Variants in SPOCK1 observed in about 807,000 individuals in gnomAD.
SPOCK1 encodes the protein testican-1.
Under a neutral mutation model 55.3 loss-of-function variants are expected in SPOCK1, and 23 were observed. The ratio of observed to expected loss-of-function variants is 0.42; its 90% CI spans 0.30 to 0.59. The LOEUF is 0.59. Among genes scored for constraint, SPOCK1 ranks in the 20% least tolerant of loss-of-function variants. The probability of loss-of-function intolerance (pLI) is 0.22; values close to 1 mark genes in which losing one functional copy is unlikely to be tolerated. For missense variants in SPOCK1, 499 were observed against 552.5 expected (o/e 0.90, Z 0.97); for synonymous variants, 226 against 221.0 (o/e 1.02, Z -0.20).
chr5:137,228,441 G>A (rs1755990454), intron 3 of SPOCK1, among the ~76,000 whole-genome samples: 1 of 152,180 alleles, frequency 6.6e-6, no homozygotes, highest in Non-Finnish European at 1.5e-5. Flanking sequence ...AGGAATTCGA[G>A]ACCAGCCTGG....
At chr5:137,181,293 G>A (rs1358711407) in intron 3 of SPOCK1, among the ~76,000 whole-genome samples, 3 of 152,170 alleles carry the variant, frequency 2.0e-5, no homozygotes, top group South Asian at 2.1e-4. Context: ...ATGAAGCACT[G>A]GGCTATTAAG....
chr5:136,975,990 T>C lies in SPOCK1; in HGVS notation c.*2664A>G, dbSNP rs1033022705. ...CTGTATCAAATGAGGAAGTGGTTTATTACAATATTTTTATAATCAGTATTT... is the reference window on the plus strand; with the variant it reads ...CTGTATCAAATGAGGAAGTGGTTTACTACAATATTTTTATAATCAGTATTT... On this transcript the variant is annotated 3_prime_UTR_variant, in exon 11 of 11. Transcript: ENST00000394945. 3.9e-5 allele frequency: 6 copies of C among 152,246 alleles called. No homozygotes were observed. The highest frequency in any genetic ancestry group is 1.2e-4 in the African/African-American group (5 of 41,476). The allele number at this position is 152,246 out of a possible 1,614,324, so 9.4% of individuals were successfully genotyped here. A position where few individuals can be genotyped will look rare whatever the true frequency, so the allele number is the denominator to read the frequency against.
chr5:137,276,178 G>T (rs992500263), intron 2 of SPOCK1, among the ~76,000 whole-genome samples: 3 of 152,186 alleles, frequency 2.0e-5, no homozygotes, highest in African/African-American at 7.2e-5. Context: ...TTACATGGTC[G>T]AGCCACCAAT....
chr5:137,128,705 G>A (rs562297982), intron 4 of SPOCK1, among the ~76,000 whole-genome samples: 1 of 152,304 alleles, frequency 6.6e-6, no homozygotes, highest in African/African-American at 2.4e-5. Context: ...CAATGGGTCT[G>A]AGCCAGTGTC....
At chr5:137,117,473 T>C (rs1223132861) in intron 4 of SPOCK1, among the ~76,000 whole-genome samples, 2 of 152,198 alleles carry the variant, frequency 1.3e-5, no homozygotes, top group Non-Finnish European at 2.9e-5. Flanking sequence ...CAATATACTA[T>C]GTACTCCTTA....
chr5:137,414,299 G>T (rs4976352), intron 2 of SPOCK1, among the ~76,000 whole-genome samples: 151,514 of 152,336 alleles, frequency 0.99, 75,356 homozygotes, highest in East Asian at 1. Flanking sequence ...TGGCAAAAGA[G>T]AGTGACCAGA....
At chr5:137,464,383 TC>T (rs1753555568) in intron 2 of SPOCK1, among the ~76,000 whole-genome samples, 9 of 152,140 alleles carry the variant, frequency 5.9e-5, no homozygotes, top group Admixed American at 5.9e-4. Context: ...AACATTGCAT[TC>T]CTGTATTAAC....
chr5:137,035,006 T>C (rs970950683), intron 6 of SPOCK1, among the ~76,000 whole-genome samples: 9 of 152,208 alleles, frequency 5.9e-5, no homozygotes, highest in African/African-American at 1.2e-4. Context: ...TGGGTTCTAC[T>C]GCTGGGGTTG....
chr5:137,329,741 C>A (rs1758137681), intron 2 of SPOCK1, among the ~76,000 whole-genome samples: 1 of 152,182 alleles, frequency 6.6e-6, no homozygotes, highest in African/African-American at 2.4e-5. Context: ...TGCACCACAT[C>A]CCTTTGCGCA....
chr5:137,100,218 T>C (rs112318767), intron 5 of SPOCK1, among the ~76,000 whole-genome samples: 1 of 152,176 alleles, frequency 6.6e-6, no homozygotes, highest in African/African-American at 2.4e-5. Flanking sequence ...GCCTTACAGT[T>C]AAAATCCCAG....
intron 2 of SPOCK1, among the ~76,000 whole-genome samples, chr5:137,318,871 T>G (rs1331833830): frequency 6.6e-6 from 1 of 152,224 alleles, no homozygotes; most frequent in Non-Finnish European, 1.5e-5. Flanking sequence ...CACTCAATAA[T>G]GTGGATTTAC....
At chr5:137,187,225 G>C (rs952047501) in intron 3 of SPOCK1, among the ~76,000 whole-genome samples, 3 of 152,096 alleles carry the variant, frequency 2.0e-5, no homozygotes, top group African/African-American at 7.2e-5. Context: ...CTCTAGGCCC[G>C]ACCTCAACCC....
At chr5:137,151,431 T>C (rs538686035) in intron 3 of SPOCK1, among the ~76,000 whole-genome samples, 1 of 152,340 alleles carries the variant, frequency 6.6e-6, no homozygotes, top group African/African-American at 2.4e-5. Flanking sequence ...AGGTATTTGC[T>C]CTTACTTGTC....
chr5:137,142,560 A>G (rs1257678993), intron 3 of SPOCK1, among the ~76,000 whole-genome samples: 2 of 152,222 alleles, frequency 1.3e-5, no homozygotes, highest in African/African-American at 2.4e-5. Flanking sequence ...CTACTCCCCA[A>G]GGGATGTGAC....
chr5:137,494,183 A>G (rs1754248714), intron 2 of SPOCK1, among the ~76,000 whole-genome samples: 2 of 152,212 alleles, frequency 1.3e-5, no homozygotes, highest in African/African-American at 4.8e-5. Context: ...TTTTAATCAA[A>G]TCAGAAGCTC....
chr5:137,003,878 C>G (rs1751193420), intron 6 of SPOCK1, among the ~76,000 whole-genome samples: 1 of 152,142 alleles, frequency 6.6e-6, no homozygotes. Flanking sequence ...GTGTCCAGAA[C>G]CTGGGAATGG....
intron 2 of SPOCK1, among the ~76,000 whole-genome samples, chr5:137,389,293 C>T (rs773350086): frequency 2.0e-5 from 3 of 152,208 alleles, no homozygotes; most frequent in African/African-American, 4.8e-5. Context: ...AGCTGATATG[C>T]CCTGTCCTCT....
At position 136,977,798 on chromosome 5, in the gene SPOCK1, C is replaced by T. The variant is rs1240022254; in HGVS notation, c.*856G>A. 22 of 398,866 alleles carry T rather than the reference C, an allele frequency of 5.5e-5. No individual in the cohort carries two copies. The East Asian group carries it at 7.8e-4, about 14-fold the overall frequency. 24.7% of individuals were successfully genotyped at this position (398,866 alleles called of 1,614,324 possible). On this transcript the variant is annotated 3_prime_UTR_variant, in exon 11 of 11. Transcript: ENST00000394945. ...TGCTGATGCACAGAGAAGAGACTTC[C>T]TCAGCCTGCAGGCTACAAGAGCCAA...
chr5:137,314,362 C>A (rs1290700875), intron 2 of SPOCK1, among the ~76,000 whole-genome samples: 1 of 152,154 alleles, frequency 6.6e-6, no homozygotes, highest in Non-Finnish European at 1.5e-5. Flanking sequence ...TCTCTGCACT[C>A]TAGTATCTCC....
Sources: gnomAD v4.1 joint callset for allele counts (sites outside exome capture counted in the v4.1 genomes callset) on GRCh38, gnomAD v4.1.1 for gene constraint, MANE v1.5 for transcripts, NCBI Gene and HGNC (gene_info 2026-07-23, HGNC 2026-07-21) for gene names.